DPF3: variants seen among roughly 807,000 people sequenced by gnomAD.
DPF3 encodes double PHD fingers 3, also known as zinc finger protein DPF3.
Under a neutral mutation model 56.8 loss-of-function variants are expected in DPF3, and 18 were observed. The observed-to-expected ratio is 0.32, with a 90% CI of 0.22 to 0.47. The LOEUF is 0.47. Among genes scored for constraint, DPF3 ranks in the 20% least tolerant of loss-of-function variants. The pLI is 1.00. For missense variants in DPF3, 403 were observed against 488.8 expected (o/e 0.82, Z 1.65); for synonymous variants, 188 against 180.2 (o/e 1.04, Z -0.35).
At position 72,778,673 on chromosome 14, in the gene DPF3, C is replaced by T. The variant is rs188542360; in HGVS notation, c.33-6780G>A. On this transcript the variant is annotated intron_variant, in intron 1 of 10. Coordinates refer to ENST00000556509, the MANE Select transcript of DPF3 (RefSeq NM_001280542.3). ...TGGTGCCAGAAAGGTTGGGGACTTCCGGTTTAAGCTACCCAGTCTATGCCA... is the reference window on the plus strand; with the variant it reads ...TGGTGCCAGAAAGGTTGGGGACTTCTGGTTTAAGCTACCCAGTCTATGCCA... Among the ~76,000 whole-genome samples the T allele has an allele frequency of 4.6e-5, 7 of 152,222 alleles. No homozygotes were observed. In the East Asian group the frequency reaches 9.7e-4, roughly 21 times the overall value.
intron 8 of DPF3, among the ~76,000 whole-genome samples, chr14:72,673,478 C>T (rs990718072): frequency 1.3e-5 from 2 of 152,170 alleles, no homozygotes; most frequent in African/African-American, 4.8e-5. Flanking sequence ...CAACCATGGC[C>T]AGCCAAAAAT....
At chr14:72,737,168 C>T (rs1256924998) in intron 3 of DPF3, among the ~76,000 whole-genome samples, 1 of 148,280 alleles carries the variant, frequency 6.7e-6, no homozygotes, top group African/African-American at 2.5e-5. Context: ...TTAAAAACAA[C>T]CAAAAAAAGC....
intron 9 of DPF3, among the ~76,000 whole-genome samples, chr14:72,625,962 G>A (rs1037055058): frequency 2.6e-5 from 4 of 152,126 alleles, no homozygotes; most frequent in African/African-American, 9.7e-5. Flanking sequence ...AAATTAACTA[G>A]AGTACAGTAT....
intron 1 of DPF3, among the ~76,000 whole-genome samples, 164 bp downstream of exon 1, chr14:72,893,893 G>GA (rs1344866008): frequency 6.6e-6 from 1 of 152,174 alleles, no homozygotes; most frequent in Admixed American, 6.5e-5. Context: ...CGCGTTGGGG[G>GA]AAAAAAAGAA....
At chr14:72,693,988 C>T (rs1053098748) in intron 6 of DPF3, among the ~76,000 whole-genome samples, 1 of 152,362 alleles carries the variant, frequency 6.6e-6, no homozygotes, top group South Asian at 2.1e-4. Context: ...GCAGCCAAAT[C>T]TGTAAAAGGT....
At chr14:72,750,502 C>G (rs952796582) in intron 3 of DPF3, among the ~76,000 whole-genome samples, 41 of 152,108 alleles carry the variant, frequency 2.7e-4, no homozygotes, top group African/African-American at 8.9e-4. Context: ...ACATATGAGA[C>G]GTCCTCATAT....
At chr14:72,787,125 T>G (rs1892241553) in intron 1 of DPF3, among the ~76,000 whole-genome samples, 1 of 152,256 alleles carries the variant, frequency 6.6e-6, no homozygotes, top group African/African-American at 2.4e-5. Context: ...CAGCCAGGCA[T>G]GGAAGAGACT....
intron 7 of DPF3, among the ~76,000 whole-genome samples, chr14:72,680,868 G>A (rs187674535): frequency 8.5e-5 from 13 of 152,378 alleles, no homozygotes; most frequent in Admixed American, 2.6e-4. Flanking sequence ...AAGAGAACAC[G>A]CTAGGTGATG....
At chr14:72,690,611 GCACGCACACACACACACATA>G (rs1887638347) in intron 7 of DPF3, among the ~76,000 whole-genome samples, 1 of 149,992 alleles carries the variant, frequency 6.7e-6, no homozygotes, top group African/African-American at 2.5e-5. Flanking sequence ...CACACAACAT[GCACGCACACACACACACATA>G]CACGCACACA....
chr14:72,695,146 C>T (rs1408813867), intron 6 of DPF3, among the ~76,000 whole-genome samples: 1 of 152,134 alleles, frequency 6.6e-6, no homozygotes, highest in African/African-American at 2.4e-5. Flanking sequence ...AAGAGTTTTG[C>T]TGCATGAAAT....
At chr14:72,739,810 T>C (rs1482864401) in intron 3 of DPF3, among the ~76,000 whole-genome samples, 10 of 152,190 alleles carry the variant, frequency 6.6e-5, no homozygotes, top group Non-Finnish European at 1.0e-4. Flanking sequence ...AAGCACCTAC[T>C]ATGTATCGAC....
At chr14:72,719,151 C>G in intron 5 of DPF3, among the ~76,000 whole-genome samples, 1 of 146,780 alleles carries the variant, frequency 6.8e-6, no homozygotes, top group Non-Finnish European at 1.5e-5. Context: ...CTCAATGAAG[C>G]CTTAACCACT....
intron 1 of DPF3, among the ~76,000 whole-genome samples, chr14:72,877,847 A>AGAC (rs1452161292): frequency 1.3e-5 from 2 of 152,178 alleles, no homozygotes; most frequent in Non-Finnish European, 2.9e-5. Flanking sequence ...AGACATGTGT[A>AGAC]ATTAGATAAA....
intron 1 of DPF3, among the ~76,000 whole-genome samples, chr14:72,816,252 C>T (rs1387103317): frequency 6.6e-6 from 1 of 152,226 alleles, no homozygotes; most frequent in Non-Finnish European, 1.5e-5. Context: ...CACCTCCCCA[C>T]CCTGGGACCA....
At chr14:72,762,456 C>T (rs890767136) in intron 2 of DPF3, among the ~76,000 whole-genome samples, 1 of 151,594 alleles carries the variant, frequency 6.6e-6, no homozygotes, top group African/African-American at 2.4e-5. Context: ...ACCATTCCTA[C>T]ATAATGAAGC....
intron 4 of DPF3, among the ~76,000 whole-genome samples, chr14:72,725,561 T>A (rs1889372654): frequency 6.6e-6 from 1 of 151,984 alleles, no homozygotes; most frequent in African/African-American, 2.4e-5. Flanking sequence ...CAAGGAGAGA[T>A]GGCATAAGAT....
At chr14:72,791,605 C>T (rs955221075) in intron 1 of DPF3, among the ~76,000 whole-genome samples, 1 of 152,226 alleles carries the variant, frequency 6.6e-6, no homozygotes, top group Admixed American at 6.5e-5. Context: ...CAGATGATGT[C>T]CTGGTGCCTC....
chr14:72,818,009 G>A (rs1475844855), intron 1 of DPF3, among the ~76,000 whole-genome samples: 6 of 151,998 alleles, frequency 3.9e-5, no homozygotes, highest in African/African-American at 1.5e-4. Flanking sequence ...ACTTTGGGAG[G>A]CCAAGGTGGG....
At position 72,702,846 on chromosome 14, in the gene DPF3, A is replaced by G. The variant is rs1840578213; in HGVS notation, c.605-9633T>C. 3.3e-5 allele frequency among the ~76,000 whole-genome samples: 5 copies of G among 152,226 alleles called. No homozygotes were observed. In the South Asian group the frequency reaches 1.0e-3, roughly 32 times the overall value. ...ACTGGCCAGGCTTTTCTCAAAAGCCAACGGTGGATCCAACCCCCAGGTGGG... is the reference window on the plus strand; with the variant it reads ...ACTGGCCAGGCTTTTCTCAAAAGCCGACGGTGGATCCAACCCCCAGGTGGG... On this transcript the variant is annotated intron_variant, in intron 6 of 10. Coordinates refer to ENST00000556509, the MANE Select transcript of DPF3 (RefSeq NM_001280542.3).
Sources: allele counts gnomAD v4.1 joint callset (sites outside exome capture counted in the v4.1 genomes callset), GRCh38; gene constraint gnomAD v4.1.1; transcripts MANE v1.5; gene names NCBI Gene and HGNC (gene_info 2026-07-23, HGNC 2026-07-21).